The following DDAH1 variants were observed in gnomAD, a reference collection of about 807,000 sequenced individuals.
The protein encoded by DDAH1 is dimethylarginine dimethylaminohydrolase 1.
DDAH1 carries 19 observed loss-of-function variants against 28.8 expected under a neutral mutation model. That is an observed-to-expected ratio of 0.66 (90% CI 0.46 to 0.97). The LOEUF (loss-of-function observed/expected upper bound fraction) is 0.97, where lower values mean the gene tolerates loss of function less well. Ranked by LOEUF, DDAH1 falls within the 50% of genes least tolerant of loss-of-function variation. The probability of loss-of-function intolerance (pLI) is 0.00; values close to 1 mark genes in which losing one functional copy is unlikely to be tolerated. For synonymous variants in DDAH1, 153 were observed against 154.4 expected (o/e 0.99, Z 0.07); for missense variants, 326 against 375.9 (o/e 0.87, Z 1.10).
chr1:85,494,345 A>T (rs1656505889), intron 2 of DDAH1: 1 of 152,208 alleles, frequency 6.6e-6, no homozygotes, highest in South Asian at 2.1e-4. Flanking sequence ...CTGCTTCCCC[A>T]AAGAGTACTC....
intron 1 of DDAH1, among the ~76,000 whole-genome samples, chr1:85,414,045 T>C (rs933355384): frequency 6.6e-6 from 1 of 152,226 alleles, no homozygotes; most frequent in Non-Finnish European, 1.5e-5. Flanking sequence ...GGTCAGGCAC[T>C]GTACATTTAA....
chr1:85,486,273 A>C (rs1656201735), intron 2 of DDAH1, among the ~76,000 whole-genome samples: 2 of 152,206 alleles, frequency 1.3e-5, no homozygotes, highest in South Asian at 4.1e-4. Context: ...AAATGCTGTT[A>C]AACAGAGGAG....
At chr1:85,384,533 C>T (rs933863483) in intron 1 of DDAH1, among the ~76,000 whole-genome samples, 1 of 152,190 alleles carries the variant, frequency 6.6e-6, no homozygotes, top group Non-Finnish European at 1.5e-5. Flanking sequence ...TCCTACACTT[C>T]CTGTGTGCAC....
intron 1 of DDAH1, among the ~76,000 whole-genome samples, chr1:85,420,691 G>C (rs145043130): frequency 5.2e-4 from 79 of 152,280 alleles, no homozygotes; most frequent in Admixed American, 1.2e-3. Context: ...CATTTAACCA[G>C]TCTCTAAGAA....
chr1:85,387,298 C>T (rs1402792964), intron 1 of DDAH1, among the ~76,000 whole-genome samples: 1 of 152,090 alleles, frequency 6.6e-6, no homozygotes, highest in African/African-American at 2.4e-5. Flanking sequence ...ATATAAATTC[C>T]AACTTAAGCT....
intron 1 of DDAH1, chr1:85,399,829 T>C (rs970818558): frequency 3.9e-5 from 6 of 152,216 alleles, no homozygotes; most frequent in African/African-American, 7.2e-5. Flanking sequence ...TTTTTGTTCT[T>C]CATTTTTGCT....
At chr1:85,331,423 G>GTATGTATATGTGTA (rs111876317) in intron 4 of DDAH1, among the ~76,000 whole-genome samples, 4 of 148,506 alleles carry the variant, frequency 2.7e-5, no homozygotes, top group African/African-American at 4.9e-5. Context: ...ATTCATATAT[G>GTATGTATATGTGTA]TATATATATA....
chr1:85,515,161 G>A (rs6701193), intron 1 of DDAH1, among the ~76,000 whole-genome samples: 1,629 of 150,342 alleles, frequency 0.011, 31 homozygotes, highest in African/African-American at 0.038. Flanking sequence ...GGGCCAAGGC[G>A]GGCAGATAAC....
At chr1:85,374,494 T>G (rs1311717156) in intron 1 of DDAH1, among the ~76,000 whole-genome samples, 2 of 152,130 alleles carry the variant, frequency 1.3e-5, no homozygotes, top group African/African-American at 4.8e-5. Context: ...CTGAGAGGTT[T>G]ATTTAAAGCC....
chr1:85,447,430 A>T (rs1654484348), intron 1 of DDAH1, among the ~76,000 whole-genome samples: 1 of 152,222 alleles, frequency 6.6e-6, no homozygotes, highest in African/African-American at 2.4e-5. Flanking sequence ...AGGAAGCTTA[A>T]GATAAACCAG....
rs1038856694 is a variant in DDAH1, at chr1:85,438,478, C to T, written c.303+26265G>A. On this transcript the variant is annotated intron_variant, in intron 1 of 5. Transcript: ENST00000284031. ...ATCTGAGAACATTCTGTAGTTCTTC[C>T]ACTTTTTGGAAGATGAGCCTAATGA... 3.3e-5 allele frequency among the ~76,000 whole-genome samples: 5 copies of T among 152,224 alleles called. No homozygotes were observed. In the East Asian group the frequency reaches 5.8e-4, roughly 18 times the overall value.
intron 1 of DDAH1, among the ~76,000 whole-genome samples, chr1:85,538,364 A>G (rs1272903820): frequency 6.6e-6 from 1 of 152,242 alleles, no homozygotes; most frequent in Non-Finnish European, 1.5e-5. Flanking sequence ...TCTATGTGAG[A>G]GGTGGCAGCA....
chr1:85,412,737 G>A (rs766380778), intron 1 of DDAH1, among the ~76,000 whole-genome samples: 1 of 152,238 alleles, frequency 6.6e-6, no homozygotes, highest in South Asian at 2.1e-4. Context: ...ATGGTGGCCT[G>A]CACCTGTAAT....
Position 85,511,563 on chromosome 1 carries a change from TG to T in DDAH1, c.-122-15283del, listed in dbSNP as rs1570625214. On this transcript the variant is annotated intron_variant, in intron 1 of 6. Coordinates refer to the DDAH1 transcript ENST00000426972. ...TCAAAAAATCAATGAATCCAGGAGCTGGTTTTTTGAAAAGATCAACAAAATT... is the reference window on the plus strand; with the variant it reads ...TCAAAAAATCAATGAATCCAGGAGCTGTTTTTTGAAAAGATCAACAAAATT... Among the ~76,000 whole-genome samples, 3 of 152,168 alleles carry T rather than the reference TG, an allele frequency of 2.0e-5. No homozygotes were observed. In the East Asian group the frequency reaches 5.8e-4, roughly 29 times the overall value.
Position 85,351,535 on chromosome 1 carries a change from C to T in DDAH1, c.448G>A (p.Gly150Ser). The T allele has an allele frequency of 6.2e-7, 1 of 1,614,016 alleles. No homozygotes were observed. Among genetic ancestry groups the T allele is most frequent in the African/African-American group, 1.3e-5 (1 of 74,996 alleles). The change falls in exon 3 of 6, where the codon GGT becomes AGT. Residue 150 changes from glycine (G) to serine (S), a missense_variant. Gly to Ser is a moderately conservative substitution (Grantham distance 56). Transcript: ENST00000284031. ...AAAGTATCAGCCAAGATTTCAGCAC[C>T]TCGTTGATTTGTCCTTTTGGAAAGG... ...VGLSKRTNQR[G>S]AEILADTFKD...
At chr1:85,527,503 T>C (rs1382323005) in intron 1 of DDAH1, among the ~76,000 whole-genome samples, 3 of 152,166 alleles carry the variant, frequency 2.0e-5, no homozygotes, top group Non-Finnish European at 4.4e-5. Flanking sequence ...GCAAGACTGG[T>C]TCAGACCAGA....
rs1273154961 is a variant in DDAH1 at position 85,527,635 on chromosome 1, A to T, written c.-122-31354T>A. Among the ~76,000 whole-genome samples, 3 of 152,202 alleles carry T rather than the reference A, an allele frequency of 2.0e-5. No individual in the cohort carries two copies. The East Asian group carries it at 5.8e-4, about 29-fold the overall frequency. ...CACACAGACTGTCTACTCTCATCCC[A>T]GGCTAATGAGAGGGTAGGTACTATA... On this transcript the variant is annotated intron_variant, in intron 1 of 6. Transcript: ENST00000426972.
intron 1 of DDAH1, among the ~76,000 whole-genome samples, chr1:85,531,030 T>A (rs1369524567): frequency 7.2e-6 from 1 of 139,800 alleles, no homozygotes; most frequent in Admixed American, 7.3e-5. Flanking sequence ...GAATTGAAAT[T>A]GAAGTATATA....
At chr1:85,455,850 A>AT (rs1279884050) in intron 1 of DDAH1, among the ~76,000 whole-genome samples, 1 of 152,242 alleles carries the variant, frequency 6.6e-6, no homozygotes, top group Non-Finnish European at 1.5e-5. Flanking sequence ...TTTGAAATAG[A>AT]TTTAGCAAAT....
Sources: allele counts gnomAD v4.1 joint callset (sites outside exome capture counted in the v4.1 genomes callset), GRCh38; gene constraint gnomAD v4.1.1; transcripts MANE v1.5; gene names NCBI Gene and HGNC (gene_info 2026-07-23, HGNC 2026-07-21).